C12orf56: variants seen among roughly 807,000 people sequenced by gnomAD.
The protein encoded by C12orf56 is uncharacterized protein C12orf56.
C12orf56 carries 71 observed loss-of-function variants against 69.9 expected under a neutral mutation model. The observed-to-expected ratio is 1.02, with a 90% CI of 0.84 to 1.24. C12orf56 has a LOEUF of 1.24. C12orf56 is among the 50% of genes most tolerant of loss of function. The pLI is 0.00. For missense variants in C12orf56, 732 were observed against 738.5 expected (o/e 0.99, Z 0.10); for synonymous variants, 276 against 274.1 (o/e 1.01, Z -0.07).
intron 1 of C12orf56, among the ~76,000 whole-genome samples, chr12:64,382,140 G>T (rs1387742168): frequency 2.0e-5 from 3 of 151,652 alleles, no homozygotes; most frequent in Non-Finnish European, 2.9e-5. Context: ...GTGTGCCCCT[G>T]TAACCTCAGC....
chr12:64,329,303 C>T (rs915483128), intron 3 of C12orf56, among the ~76,000 whole-genome samples: 3 of 151,966 alleles, frequency 2.0e-5, no homozygotes, highest in Non-Finnish European at 2.9e-5. Flanking sequence ...CTCTTTCCAG[C>T]TCTCCTATTT....
chr12:64,306,689 A>C (rs922460371), intron 5 of C12orf56, among the ~76,000 whole-genome samples: 1 of 152,200 alleles, frequency 6.6e-6, no homozygotes, highest in Non-Finnish European at 1.5e-5. Context: ...TTCTTAATCT[A>C]ATAACAAGCT....
At chr12:64,342,368 G>GC (rs1201995938) in intron 2 of C12orf56, among the ~76,000 whole-genome samples, 8 of 152,192 alleles carry the variant, frequency 5.3e-5, no homozygotes, top group Non-Finnish European at 1.2e-4. Flanking sequence ...CGAGAAAGAG[G>GC]CCGTAGTGCT....
chr12:64,390,361 A>G lies in C12orf56; in HGVS notation c.205T>C (p.Ser69Pro), dbSNP rs776827137. The G allele has an allele frequency of 5.6e-6, 9 of 1,612,238 alleles. No homozygotes were observed. In the Admixed American group the frequency reaches 1.3e-4, roughly 24 times the overall value. ...CGCAGAGCCACTACCCGCCGGATGGACTTGGGCGGGTTCTCGGTTAGGTAG... is the reference window on the plus strand; with the variant it reads ...CGCAGAGCCACTACCCGCCGGATGGGCTTGGGCGGGTTCTCGGTTAGGTAG... ...LVYLTENPPK[S>P]IRRVVALRDV... is the part of the protein sequence containing the mutation. The change falls in exon 1 of 13, where the codon TCC becomes CCC. Residue 69 changes from serine (S) to proline (P), a missense_variant. By Grantham distance (74) the Ser-to-Pro change is moderately conservative (BLOSUM62 -1). Coordinates refer to ENST00000543942, the MANE Select transcript of C12orf56 (RefSeq NM_001170633.2).
intron 1 of C12orf56, 94 bp from the exon 2 acceptor site, chr12:64,353,150 T>C: frequency 8.2e-7 from 1 of 1,212,862 alleles, no homozygotes; most frequent in Non-Finnish European, 1.2e-6. Context: ...GCAAGTTTTT[T>C]TTTTCCACAT....
At chr12:64,365,287 C>A (rs2039450327) in intron 1 of C12orf56, among the ~76,000 whole-genome samples, 1 of 151,466 alleles carries the variant, frequency 6.6e-6, no homozygotes, top group Admixed American at 6.6e-5. Context: ...GCTTCAGCCT[C>A]CCGAGTAACT....
chr12:64,376,473 A>C (rs1001675913), intron 1 of C12orf56, among the ~76,000 whole-genome samples: 1 of 152,232 alleles, frequency 6.6e-6, no homozygotes, highest in African/African-American at 2.4e-5. Flanking sequence ...GGTCCGAAAC[A>C]GCAATTACTT....
At chr12:64,375,388 A>T (rs975331402) in intron 1 of C12orf56, among the ~76,000 whole-genome samples, 3 of 152,208 alleles carry the variant, frequency 2.0e-5, no homozygotes, top group Admixed American at 6.5e-5. Context: ...TATGGAAATG[A>T]GGTTAGAGGA....
intron 2 of C12orf56, among the ~76,000 whole-genome samples, chr12:64,332,491 T>C (rs145296734): frequency 3.9e-4 from 60 of 152,324 alleles, no homozygotes; most frequent in African/African-American, 1.3e-3. Context: ...ATTTTTCTTC[T>C]GTCTCACTTC....
At chr12:64,357,411 T>C (rs577065160) in intron 1 of C12orf56, among the ~76,000 whole-genome samples, 112 of 150,360 alleles carry the variant, frequency 7.4e-4, no homozygotes, top group African/African-American at 2.5e-3. Flanking sequence ...TTTCTTTTTT[T>C]TTTCTTTCTT....
chr12:64,323,791 G>A (rs1017983815), intron 3 of C12orf56, among the ~76,000 whole-genome samples: 6 of 152,070 alleles, frequency 3.9e-5, no homozygotes, highest in African/African-American at 4.8e-5. Context: ...TATTACAGGC[G>A]TGAGCCATCA....
intron 9 of C12orf56, among the ~76,000 whole-genome samples, chr12:64,276,002 C>CA (rs66650227): frequency 1.4e-4 from 2 of 14,542 alleles, no homozygotes; most frequent in African/African-American, 5.0e-4. Flanking sequence ...GAAATACACA[C>CA]CCCCCCCCGC....
chr12:64,294,501 A>C (rs1374609833), intron 6 of C12orf56, among the ~76,000 whole-genome samples: 4 of 152,250 alleles, frequency 2.6e-5, no homozygotes, highest in African/African-American at 7.2e-5. Context: ...CAGCCTTAAA[A>C]AAAAGGAAAT....
intron 11 of C12orf56, among the ~76,000 whole-genome samples, chr12:64,272,617 C>T (rs533053636): frequency 5.9e-5 from 9 of 152,194 alleles, no homozygotes; most frequent in African/African-American, 2.2e-4. Flanking sequence ...TTTCCTGTTA[C>T]GTGGAGTCTG....
chr12:64,338,712 C>A (rs986204878), intron 2 of C12orf56: 64 of 1,535,148 alleles, frequency 4.2e-5, no homozygotes, highest in Non-Finnish European at 5.1e-5. Context: ...TCTATTCCTT[C>A]TGCTTTCTCA....
intron 1 of C12orf56, chr12:64,389,335 T>G (rs886875549): frequency 6.6e-6 from 1 of 152,242 alleles, no homozygotes; most frequent in Admixed American, 6.5e-5. Context: ...AGGCCCGACG[T>G]CTTTCAAGCC....
At chr12:64,372,850 T>C (rs1162568841) in intron 1 of C12orf56, among the ~76,000 whole-genome samples, 1 of 152,156 alleles carries the variant, frequency 6.6e-6, no homozygotes, top group Non-Finnish European at 1.5e-5. Flanking sequence ...TTTAGATACA[T>C]TGTAGAAACC....
At chr12:64,293,021 C>T (rs1158260490) in intron 6 of C12orf56, among the ~76,000 whole-genome samples, 1 of 151,816 alleles carries the variant, frequency 6.6e-6, no homozygotes, top group Non-Finnish European at 1.5e-5. Flanking sequence ...GGGCGTAGGA[C>T]CCTCCGAGCC....
intron 8 of C12orf56, among the ~76,000 whole-genome samples, chr12:64,280,913 G>C (rs1009516641): frequency 6.6e-6 from 1 of 152,196 alleles, no homozygotes; most frequent in African/African-American, 2.4e-5. Flanking sequence ...GACACTGTGA[G>C]ATAAGAAATA....
Sources: gnomAD v4.1 joint callset for allele counts (sites outside exome capture counted in the v4.1 genomes callset) on GRCh38, gnomAD v4.1.1 for gene constraint, MANE v1.5 for transcripts, NCBI Gene and HGNC (gene_info 2026-07-23, HGNC 2026-07-21) for gene names.